The following LAMA2 variants were observed in gnomAD, a reference collection of about 807,000 sequenced individuals.
LAMA2 encodes the protein laminin subunit alpha 2, also known as laminin subunit alpha-2.
A neutral mutation model predicts 364.8 loss-of-function variants in LAMA2; 269 were observed. That is an observed-to-expected ratio of 0.74 (90% CI 0.67 to 0.82). The LOEUF (loss-of-function observed/expected upper bound fraction) is 0.82, where lower values mean the gene tolerates loss of function less well. Ranked by LOEUF, LAMA2 falls within the 40% of genes least tolerant of loss-of-function variation. LAMA2 has a pLI of 0.00. For missense variants in LAMA2, 3,807 were observed against 3,873.2 expected (o/e 0.98, Z 0.45); for synonymous variants, 1,379 against 1,370.6 (o/e 1.01, Z -0.14).
intron 12 of LAMA2, among the ~76,000 whole-genome samples, chr6:129,246,195 T>C (rs1451383648): frequency 6.6e-6 from 1 of 152,200 alleles, no homozygotes; most frequent in Non-Finnish European, 1.5e-5. Flanking sequence ...GATAATGCTA[T>C]CCTTATTTCC....
At chr6:129,197,577 T>C (rs1781926572) in intron 12 of LAMA2, among the ~76,000 whole-genome samples, 1 of 152,194 alleles carries the variant, frequency 6.6e-6, no homozygotes, top group South Asian at 2.1e-4. Context: ...CTCCCTAAAA[T>C]ATATAACGCC....
chr6:129,308,655 A>C (rs549695514), intron 22 of LAMA2, among the ~76,000 whole-genome samples: 2 of 152,354 alleles, frequency 1.3e-5, no homozygotes, highest in African/African-American at 4.8e-5. Context: ...AACAAAACTC[A>C]TAGAGCCTGT....
chr6:128,955,999 T>G (rs1781122506), intron 1 of LAMA2, among the ~76,000 whole-genome samples: 1 of 151,926 alleles, frequency 6.6e-6, no homozygotes, highest in Admixed American at 6.6e-5. Flanking sequence ...CACATGAATT[T>G]ATATGACTCA....
At chr6:129,189,238 T>C (rs1453785389) in intron 10 of LAMA2, among the ~76,000 whole-genome samples, 3 of 149,942 alleles carry the variant, frequency 2.0e-5, no homozygotes, top group Non-Finnish European at 3.0e-5. Flanking sequence ...TCCAAGGGAA[T>C]TTTTTAAAAA....
intron 54 of LAMA2, chr6:129,479,733 G>A (rs575839917): frequency 5.3e-5 from 8 of 152,038 alleles, no homozygotes; most frequent in Non-Finnish European, 8.8e-5. Context: ...GGGAAAATGT[G>A]GGTAAAGAAA....
intron 1 of LAMA2, among the ~76,000 whole-genome samples, chr6:128,968,393 T>A (rs867072723): frequency 6.6e-6 from 1 of 152,228 alleles, no homozygotes; most frequent in Non-Finnish European, 1.5e-5. Flanking sequence ...ATTCTTATGA[T>A]GTTTTTATTT....
At chr6:129,444,290 C>G (rs755102581) in intron 44 of LAMA2, among the ~76,000 whole-genome samples, 6 of 152,170 alleles carry the variant, frequency 3.9e-5, no homozygotes, top group Non-Finnish European at 7.4e-5. Context: ...TCTAAGTAGT[C>G]TTTAACTACT....
intron 1 of LAMA2, among the ~76,000 whole-genome samples, chr6:128,917,235 T>G (rs759670924): frequency 2.6e-5 from 4 of 151,830 alleles, no homozygotes; most frequent in Non-Finnish European, 5.9e-5. Context: ...TTACTACAAT[T>G]AGAAACTATA....
At chr6:129,036,975 C>T (rs1026072710) in intron 1 of LAMA2, among the ~76,000 whole-genome samples, 1 of 152,180 alleles carries the variant, frequency 6.6e-6, no homozygotes, top group African/African-American at 2.4e-5. Flanking sequence ...TCATTCTCTT[C>T]CACATTTTGC....
At chr6:129,183,872 T>G (rs1276755388) in intron 10 of LAMA2, among the ~76,000 whole-genome samples, 2 of 151,866 alleles carry the variant, frequency 1.3e-5, no homozygotes, top group Non-Finnish European at 2.9e-5. Context: ...CATTGCACAA[T>G]AAGAAGATAA....
At chr6:129,274,367 A>C (rs265393) in intron 17 of LAMA2, among the ~76,000 whole-genome samples, 149,425 of 151,772 alleles carry the variant, frequency 0.98, 73,609 homozygotes, top group Middle Eastern at 1. Context: ...TGAATTGAAT[A>C]TTTGCATACA....
At chr6:129,079,424 A>G (rs1045648305) in intron 3 of LAMA2, among the ~76,000 whole-genome samples, 17 of 152,068 alleles carry the variant, frequency 1.1e-4, no homozygotes, top group Admixed American at 3.3e-4. Flanking sequence ...AGGGACTACT[A>G]TAATTCTACT....
chr6:129,135,555 T>C (rs1210180019), intron 4 of LAMA2, among the ~76,000 whole-genome samples: 5 of 152,346 alleles, frequency 3.3e-5, no homozygotes, highest in Middle Eastern at 3.4e-3. Context: ...TACAAGATCT[T>C]GTGTATTGTA....
At chr6:129,231,925 T>C (rs1213158163) in intron 12 of LAMA2, among the ~76,000 whole-genome samples, 1 of 152,128 alleles carries the variant, frequency 6.6e-6, no homozygotes, top group Non-Finnish European at 1.5e-5. Context: ...AACAAATAAA[T>C]GTCTTCAACC....
intron 58 of LAMA2, among the ~76,000 whole-genome samples, chr6:129,493,179 A>G (rs1184693530): frequency 2.0e-5 from 3 of 152,314 alleles, no homozygotes; most frequent in Non-Finnish European, 2.9e-5. Flanking sequence ...AAATAAATAA[A>G]TAAAAACTGT....
chr6:129,115,064 A>G (rs570380584), intron 4 of LAMA2, among the ~76,000 whole-genome samples: 1 of 152,142 alleles, frequency 6.6e-6, no homozygotes, highest in African/African-American at 2.4e-5. Context: ...AATGACTTCT[A>G]TTTTTTTCAT....
chr6:129,358,955 T>G (rs1777306528), intron 32 of LAMA2, among the ~76,000 whole-genome samples: 1 of 151,990 alleles, frequency 6.6e-6, no homozygotes, highest in South Asian at 2.1e-4. Flanking sequence ...TTTAAGCCCT[T>G]CACATGCATT....
intron 34 of LAMA2, among the ~76,000 whole-genome samples, chr6:129,378,998 C>T (rs1778528492): frequency 1.3e-5 from 2 of 152,146 alleles, no homozygotes; most frequent in African/African-American, 4.8e-5. Flanking sequence ...AAATGTGGTA[C>T]ATACACACCA....
At chr6:129,279,428 C>T (rs1471227732) in intron 17 of LAMA2, among the ~76,000 whole-genome samples, 2 of 152,182 alleles carry the variant, frequency 1.3e-5, no homozygotes, top group African/African-American at 4.8e-5. Flanking sequence ...AATTTTGAAA[C>T]ATGCCAGAGG....
Sources: gnomAD v4.1 joint callset for allele counts (sites outside exome capture counted in the v4.1 genomes callset) on GRCh38, gnomAD v4.1.1 for gene constraint, MANE v1.5 for transcripts, NCBI Gene and HGNC (gene_info 2026-07-23, HGNC 2026-07-21) for gene names.